Variants in RABGAP1 observed in about 807,000 individuals in gnomAD.
The protein encoded by RABGAP1 is RAB GTPase activating protein 1, also known as rab GTPase-activating protein 1.
In RABGAP1, 23 loss-of-function variants were observed where a neutral mutation model predicts 137.6. That is an observed-to-expected ratio of 0.17 (90% CI 0.12 to 0.24). The LOEUF (loss-of-function observed/expected upper bound fraction) is 0.24. RABGAP1 is among the 10% of genes least tolerant of loss of function. RABGAP1 has a pLI of 1.00. For synonymous variants in RABGAP1, 451 were observed against 450.7 expected, an observed-to-expected ratio of 1.00 and a Z score of -0.01; for missense variants, 906 against 1,275.8, an observed-to-expected ratio of 0.71 and a Z score of 4.42.
intron 2 of RABGAP1, among the ~76,000 whole-genome samples, chr9:122,981,605 T>G (rs897650502): frequency 2.6e-5 from 4 of 152,172 alleles, no homozygotes; most frequent in Admixed American, 2.0e-4. Context: ...GAAACTCAGG[T>G]AGGGCCCAAC....
chr9:122,941,350 C>T (rs538524911), intron 1 of RABGAP1, among the ~76,000 whole-genome samples: 41 of 152,370 alleles, frequency 2.7e-4, no homozygotes, highest in Middle Eastern at 3.4e-3. Context: ...CCGGTTCCCC[C>T]TGTCTGTGTG....
chr9:122,956,102 G>A (rs1021567594), intron 1 of RABGAP1, among the ~76,000 whole-genome samples: 3 of 152,106 alleles, frequency 2.0e-5, no homozygotes, highest in South Asian at 2.1e-4. Flanking sequence ...GGAATTTTTG[G>A]TATGAAACCC....
At chr9:123,047,373 T>C (rs1465048637) in intron 13 of RABGAP1, among the ~76,000 whole-genome samples, 1 of 152,214 alleles carries the variant, frequency 6.6e-6, no homozygotes, top group African/African-American at 2.4e-5. Flanking sequence ...TCATAAGTTG[T>C]CTAGTAACTT....
At chr9:122,958,029 C>T (rs1201055373) in intron 2 of RABGAP1, among the ~76,000 whole-genome samples, 2 of 152,114 alleles carry the variant, frequency 1.3e-5, no homozygotes, top group Admixed American at 6.5e-5. Flanking sequence ...TTTATGAAAG[C>T]ACTCCCAGGT....
chr9:123,076,204 T>C (rs200128933), intron 17 of RABGAP1, 41 bp from the exon 18 acceptor site: 1 of 1,584,462 alleles, frequency 6.3e-7, no homozygotes, highest in South Asian at 1.1e-5. Context: ...ATAGTCGAGA[T>C]ATAAAAACTG....
At chr9:123,098,064 A>G (rs1435261783) in intron 22 of RABGAP1, among the ~76,000 whole-genome samples, 1 of 152,192 alleles carries the variant, frequency 6.6e-6, no homozygotes, top group Non-Finnish European at 1.5e-5. Context: ...GGGCAGGAGA[A>G]TTTCTGTGTA....
At chr9:123,021,004 T>C in intron 13 of RABGAP1, 1 of 556,026 alleles carries the variant, frequency 1.8e-6, no homozygotes, top group Non-Finnish European at 2.3e-6. Context: ...TCTACAAGCA[T>C]ATCAGGATTT....
chr9:122,956,386 A>G (rs890532359), intron 1 of RABGAP1, among the ~76,000 whole-genome samples: 5 of 152,178 alleles, frequency 3.3e-5, no homozygotes, highest in Admixed American at 6.5e-5. Flanking sequence ...TTTCATTTAC[A>G]TGTACAACTT....
At chr9:123,015,726 T>A (rs769227817) in intron 12 of RABGAP1, 90 bp downstream of exon 12, 19 of 818,592 alleles carry the variant, frequency 2.3e-5, no homozygotes, top group Non-Finnish European at 3.3e-5. Context: ...TTGGAACCAG[T>A]AGTAGAAACC....
chr9:123,101,837 T>C, intron 25 of RABGAP1, 74 bp downstream of exon 25: 1 of 1,421,966 alleles, frequency 7.0e-7, no homozygotes, highest in South Asian at 1.6e-5. Flanking sequence ...CCAGAAATTA[T>C]CTTTATGGTT....
chr9:123,012,365 C>T (rs1326266191), intron 11 of RABGAP1, among the ~76,000 whole-genome samples: 1 of 152,000 alleles, frequency 6.6e-6, no homozygotes, highest in Non-Finnish European at 1.5e-5. Flanking sequence ...TAACACTCAG[C>T]GATAAAAATA....
At chr9:123,034,243 C>T in intron 13 of RABGAP1, 1 of 372,750 alleles carries the variant, frequency 2.7e-6, no homozygotes, top group Non-Finnish European at 4.8e-6. Context: ...ACCCTTTCCC[C>T]CTACCCTCAC....
rs527809375 is a variant in RABGAP1, at chr9:123,038,741, T to C, written c.1794+18282T>C. On this transcript the variant is annotated intron_variant, in intron 13 of 25. Coordinates refer to ENST00000373647, the MANE Select transcript of RABGAP1 (RefSeq NM_012197.4). ...AGGTTGAAGAAAAAAATATTAAGTA[T>C]TTATATTAAATTTATATATTATTAA... Among the ~76,000 whole-genome samples the C allele has an allele frequency of 1.6e-4, 24 of 151,406 alleles. No homozygotes were observed. The South Asian group carries it at 3.9e-3, about 25-fold the overall frequency.
intron 2 of RABGAP1, among the ~76,000 whole-genome samples, chr9:122,967,728 C>CT (rs11419924): frequency 1 from 151,299 of 151,844 alleles, 75,377 homozygotes; most frequent in Middle Eastern, 1. Context: ...TCTCATATGT[C>CT]TTTTTTTCCT....
At chr9:123,031,735 A>T (rs1322317328) in intron 13 of RABGAP1, among the ~76,000 whole-genome samples, 1 of 152,192 alleles carries the variant, frequency 6.6e-6, no homozygotes, top group East Asian at 1.9e-4. Context: ...GGAAAAATAC[A>T]GAGGCTTATT....
At chr9:122,984,361 A>T (rs532473062) in intron 2 of RABGAP1, 124 bp from the exon 3 acceptor site, 15 of 811,962 alleles carry the variant, frequency 1.8e-5, no homozygotes, top group Middle Eastern at 2.5e-4. Flanking sequence ...TTTAAAAAAA[A>T]CATTCAGAAG....
intron 13 of RABGAP1, among the ~76,000 whole-genome samples, chr9:123,049,569 T>C (rs1000327249): frequency 2.0e-5 from 3 of 152,240 alleles, no homozygotes; most frequent in Non-Finnish European, 4.4e-5. Context: ...AATACTCTTA[T>C]TGTATCACTT....
intron 1 of RABGAP1, among the ~76,000 whole-genome samples, chr9:122,952,785 A>G (rs1304551537): frequency 6.6e-6 from 1 of 152,134 alleles, no homozygotes; most frequent in Non-Finnish European, 1.5e-5. Context: ...CCCTGTTGGT[A>G]ATTGGACTTG....
chr9:123,025,229 C>G (rs1044842982), intron 13 of RABGAP1, among the ~76,000 whole-genome samples: 9 of 152,156 alleles, frequency 5.9e-5, no homozygotes, highest in African/African-American at 2.2e-4. Context: ...GGATTGATTT[C>G]TAGATTGTTC....
Sources: allele counts gnomAD v4.1 joint callset (sites outside exome capture counted in the v4.1 genomes callset), GRCh38; gene constraint gnomAD v4.1.1; transcripts MANE v1.5; gene names NCBI Gene and HGNC (gene_info 2026-07-23, HGNC 2026-07-21).